The following PCDH11X variants were observed in gnomAD, a reference collection of about 807,000 sequenced individuals.
PCDH11X encodes the protein protocadherin 11 X-linked.
Under a neutral mutation model 53.3 loss-of-function variants are expected in PCDH11X, and 18 were observed. That is an observed-to-expected ratio of 0.34 (90% CI 0.23 to 0.50). The LOEUF (loss-of-function observed/expected upper bound fraction) is 0.50. Among genes scored for constraint, PCDH11X ranks in the 20% least tolerant of loss-of-function variants. PCDH11X has a pLI of 0.98. For synonymous variants in PCDH11X, 279 were observed against 393.3 expected (o/e 0.71, Z 3.44); for missense variants, 570 against 1,032.4 (o/e 0.55, Z 6.14).
chrX:92,517,157 G>C (rs2074285011), intron 10 of PCDH11X, among the ~76,000 whole-genome samples: 1 of 110,852 alleles, frequency 9.0e-6, no homozygotes. Flanking sequence ...TGAATGATTC[G>C]AACCTTCCCT....
intron 8 of PCDH11X, among the ~76,000 whole-genome samples, chrX:92,351,858 T>C (rs2070059093): frequency 2.7e-5 from 3 of 111,642 alleles, no homozygotes; most frequent in African/African-American, 9.8e-5. Flanking sequence ...ATGTTATGAT[T>C]TCTTAAGATC....
intron 5 of PCDH11X, among the ~76,000 whole-genome samples, chrX:91,857,800 C>T (rs1938436022): frequency 4.5e-5 from 5 of 112,097 alleles, no homozygotes; most frequent in Admixed American, 2.8e-4. Flanking sequence ...TACAGCCCCT[C>T]TCCTGGCTGA....
intron 6 of PCDH11X, among the ~76,000 whole-genome samples, chrX:92,045,638 G>C (rs1380511557): frequency 4.1e-4 from 42 of 103,610 alleles, no homozygotes; most frequent in African/African-American, 1.4e-3. Context: ...TGGGGATTGA[G>C]AGTCAGAACA....
intron 8 of PCDH11X, among the ~76,000 whole-genome samples, chrX:92,272,472 C>T (rs942396811): frequency 3.6e-5 from 4 of 111,610 alleles, no homozygotes; most frequent in Non-Finnish European, 7.5e-5. Context: ...TGGTCAATTG[C>T]CTAGCTCATT....
At chrX:92,489,487 A>G (rs2073714404) in intron 10 of PCDH11X, among the ~76,000 whole-genome samples, 1 of 109,937 alleles carries the variant, frequency 9.1e-6, no homozygotes, top group Non-Finnish European at 1.9e-5. Flanking sequence ...CTCTTCTCTC[A>G]TGATATTTCT....
intron 8 of PCDH11X, among the ~76,000 whole-genome samples, chrX:92,271,861 T>C (rs766918658): frequency 7.1e-5 from 8 of 112,272 alleles, no homozygotes; most frequent in Non-Finnish European, 1.5e-4. Context: ...CATGAAGAAC[T>C]CTTTATTATC....
At chrX:92,141,867 A>G (rs1312138234) in intron 6 of PCDH11X, among the ~76,000 whole-genome samples, 3 of 111,460 alleles carry the variant, frequency 2.7e-5, no homozygotes, top group Non-Finnish European at 5.6e-5. Flanking sequence ...CGGAATTGAG[A>G]TATTCTACTT....
rs1318318957 is a variant in PCDH11X, at chrX:92,204,182, C to A, written c.3114+2727C>A. 3.6e-5 allele frequency among the ~76,000 whole-genome samples: 4 copies of A among 111,885 alleles called. No individual in the cohort carries two copies. In the East Asian group the frequency reaches 1.1e-3, roughly 32 times the overall value. On this transcript the variant is annotated intron_variant, in intron 7 of 10. Coordinates refer to ENST00000682573, the MANE Select transcript of PCDH11X (RefSeq NM_032968.5). ...GAAGGTCTCTAACATGTCCTGGAGA[C>A]ATTTTTCCCATTGTCTTGGTGATTA...
intron 6 of PCDH11X, among the ~76,000 whole-genome samples, chrX:92,100,362 G>A (rs1437505616): frequency 1.8e-5 from 2 of 110,501 alleles, no homozygotes; most frequent in Admixed American, 9.7e-5. Context: ...GATAAGGGTG[G>A]GGCCGTTTGA....
intron 6 of PCDH11X, among the ~76,000 whole-genome samples, chrX:92,135,636 G>A (rs985769916): frequency 9.0e-6 from 1 of 110,603 alleles, no homozygotes; most frequent in African/African-American, 3.3e-5. Flanking sequence ...CACTGCCCAA[G>A]GAAATTATTA....
intron 6 of PCDH11X, among the ~76,000 whole-genome samples, chrX:92,010,205 A>G (rs1413090270): frequency 9.1e-6 from 1 of 110,329 alleles, no homozygotes; most frequent in Non-Finnish European, 1.9e-5. Context: ...TTTCATCAAA[A>G]TAAGCAAATA....
chrX:92,397,324 A>T (rs2071269485), intron 9 of PCDH11X, among the ~76,000 whole-genome samples: 1 of 100,605 alleles, frequency 9.9e-6, no homozygotes, highest in African/African-American at 3.7e-5. Flanking sequence ...ATTTCCTTAG[A>T]TTTATGCATG....
At chrX:91,990,779 T>C (rs2062309010) in intron 6 of PCDH11X, among the ~76,000 whole-genome samples, 1 of 103,992 alleles carries the variant, frequency 9.6e-6, no homozygotes, top group African/African-American at 3.6e-5. Context: ...CTGTTATCTG[T>C]TGTAGGGAAT....
At chrX:91,889,005 G>A (rs1206680798) in intron 6 of PCDH11X, among the ~76,000 whole-genome samples, 1 of 111,872 alleles carries the variant, frequency 8.9e-6, no homozygotes, top group Admixed American at 9.5e-5. Flanking sequence ...AATATTTTCA[G>A]TAATTCAAAC....
At chrX:91,822,753 T>C (rs1936741720) in intron 4 of PCDH11X, among the ~76,000 whole-genome samples, 2 of 111,210 alleles carry the variant, frequency 1.8e-5, no homozygotes, top group South Asian at 7.5e-4. Flanking sequence ...CTAGTTCTTT[T>C]AATTATGATA....
intron 6 of PCDH11X, among the ~76,000 whole-genome samples, chrX:92,148,379 C>T (rs918682532): frequency 2.9e-5 from 3 of 104,321 alleles, no homozygotes; most frequent in African/African-American, 7.0e-5. Flanking sequence ...AGGCATGCGC[C>T]GCCACACCCA....
intron 8 of PCDH11X, among the ~76,000 whole-genome samples, chrX:92,379,868 G>A (rs1358385697): frequency 5.8e-5 from 6 of 104,196 alleles, no homozygotes; most frequent in Admixed American, 5.1e-4. Context: ...TCTTCACTTT[G>A]CTCACACTCC....
chrX:92,026,369 C>T (rs964514090), intron 6 of PCDH11X, among the ~76,000 whole-genome samples: 1 of 106,766 alleles, frequency 9.4e-6, no homozygotes, highest in African/African-American at 3.4e-5. Flanking sequence ...CAATAGAAAC[C>T]ATATGGTTCA....
chrX:91,803,598 C>A (rs1936005283), intron 1 of PCDH11X, among the ~76,000 whole-genome samples: 2 of 111,346 alleles, frequency 1.8e-5, no homozygotes, highest in Admixed American at 9.6e-5. Flanking sequence ...AGGTCTGTGA[C>A]CTTGGGCAAG....
Sources: gnomAD v4.1 joint callset for allele counts (sites outside exome capture counted in the v4.1 genomes callset) on GRCh38, gnomAD v4.1.1 for gene constraint, MANE v1.5 for transcripts, NCBI Gene and HGNC (gene_info 2026-07-23, HGNC 2026-07-21) for gene names.